Variants in MYT1L observed in about 807,000 individuals in gnomAD.
MYT1L encodes the protein myelin transcription factor 1 like, also known as myelin transcription factor 1-like protein.
A neutral mutation model predicts 126.7 loss-of-function variants in MYT1L; 12 were observed. The observed-to-expected ratio is 0.09, with a 90% confidence interval of 0.06 to 0.15. The LOEUF is 0.15. Among genes scored for constraint, MYT1L ranks in the 10% least tolerant of loss-of-function variants. The pLI, the probability that MYT1L is intolerant of heterozygous loss-of-function variation, is 1.00. For missense variants in MYT1L, 979 were observed against 1,585.2 expected, an observed-to-expected ratio of 0.62 and a Z score of 6.49; for synonymous variants, 541 against 604.2, an observed-to-expected ratio of 0.90 and a Z score of 1.53.
intron 1 of MYT1L, among the ~76,000 whole-genome samples, chr2:2,312,994 T>G (rs1374828823): frequency 6.6e-6 from 1 of 152,000 alleles, no homozygotes; most frequent in Non-Finnish European, 1.5e-5. Context: ...AGCAGAGGAT[T>G]CAAAAATTGT....
chr2:1,998,327 A>G lies in MYT1L; in HGVS notation c.-157-980T>C, dbSNP rs148641549. Among the ~76,000 whole-genome samples the G allele has an allele frequency of 5.6e-3, 847 of 152,336 alleles. 7 individuals are homozygous for G. The highest frequency in any genetic ancestry group is 0.019 in the African/African-American group (795 of 41,574). On this transcript the variant is annotated intron_variant, in intron 4 of 24. Coordinates refer to ENST00000647738, the MANE Select transcript of MYT1L (RefSeq NM_001303052.2). ...GCTTGATGCAGATAACCATCATGGA[A>G]GTGCCGCTGCACTTTCTATGCAATT...
intron 21 of MYT1L, among the ~76,000 whole-genome samples, chr2:1,817,558 C>A (rs1371145662): frequency 6.6e-6 from 1 of 152,172 alleles, no homozygotes; most frequent in Non-Finnish European, 1.5e-5. Context: ...TCTGTCCAAA[C>A]GCGGCTGTGT....
chr2:1,873,003 T>A (rs2046448815), intron 18 of MYT1L, among the ~76,000 whole-genome samples: 1 of 152,190 alleles, frequency 6.6e-6, no homozygotes, highest in South Asian at 2.1e-4. Flanking sequence ...GCAGTCTGGC[T>A]TTGAAGGCTG....
chr2:1,837,420 C>T (rs1467608708), intron 21 of MYT1L, among the ~76,000 whole-genome samples: 1 of 152,108 alleles, frequency 6.6e-6, no homozygotes, highest in Non-Finnish European at 1.5e-5. Flanking sequence ...AATTTTTAAA[C>T]ATTTTATTAA....
intron 3 of MYT1L, among the ~76,000 whole-genome samples, chr2:2,147,187 A>G (rs1309266952): frequency 2.0e-5 from 3 of 152,216 alleles, no homozygotes; most frequent in Admixed American, 6.5e-5. Context: ...CATCCTCCCC[A>G]TGTAAACCTC....
intron 5 of MYT1L, among the ~76,000 whole-genome samples, chr2:1,980,331 C>A (rs933754333): frequency 6.8e-6 from 1 of 147,620 alleles, no homozygotes; most frequent in African/African-American, 2.5e-5. Flanking sequence ...TATACACACA[C>A]ACATATATAT....
intron 3 of MYT1L, among the ~76,000 whole-genome samples, chr2:2,094,719 T>C (rs1310398907): frequency 1.5e-5 from 2 of 131,854 alleles, no homozygotes; most frequent in Non-Finnish European, 3.1e-5. Flanking sequence ...GGTAATTGAA[T>C]AATGAGAACA....
chr2:1,917,125 T>C lies in MYT1L; in HGVS notation c.1618+80A>G, dbSNP rs748308450. Reference sequence around the variant, plus strand: ...GTCGCACCGAGCCGTACAATGGAGATGATGTCAGGTAAGAGGGATGACAGA... The same window carrying C: ...GTCGCACCGAGCCGTACAATGGAGACGATGTCAGGTAAGAGGGATGACAGA... On this transcript the variant is annotated intron_variant, in intron 11 of 24. Coordinates refer to ENST00000647738, the MANE Select transcript of MYT1L (RefSeq NM_001303052.2). This position sits in a 1 kb window ranked among gnomAD's most constrained non-coding sequence, Gnocchi z 5.9. The C allele has an allele frequency of 2.6e-6, 4 of 1,513,766 alleles. No homozygotes were observed. The highest frequency in any genetic ancestry group is 1.9e-5 in the Admixed American group (1 of 53,554). The allele number at this position is 1,513,766 out of a possible 1,614,324, so 93.8% of individuals were successfully genotyped here. A position where few individuals can be genotyped will look rare whatever the true frequency, so the allele number is the denominator to read the frequency against.
At chr2:1,821,107 C>G (rs1221821643) in intron 21 of MYT1L, among the ~76,000 whole-genome samples, 1 of 152,160 alleles carries the variant, frequency 6.6e-6, no homozygotes, top group Admixed American at 6.5e-5. Flanking sequence ...TCCTGCTTCT[C>G]AGGTAGAGCC....
At chr2:2,090,302 A>C (rs1161057612) in intron 3 of MYT1L, among the ~76,000 whole-genome samples, 1 of 152,212 alleles carries the variant, frequency 6.6e-6, no homozygotes, top group African/African-American at 2.4e-5. Context: ...AGACCACCAC[A>C]ATAAAGGGAA....
intron 2 of MYT1L, among the ~76,000 whole-genome samples, chr2:2,201,892 C>T (rs900324082): frequency 6.6e-6 from 1 of 152,036 alleles, no homozygotes; most frequent in African/African-American, 2.4e-5. Context: ...GCAAGAAATA[C>T]AGACTTTTAT....
chr2:1,982,289 G>C (rs2060666848), intron 5 of MYT1L, among the ~76,000 whole-genome samples: 1 of 152,212 alleles, frequency 6.6e-6, no homozygotes, highest in South Asian at 2.1e-4. Context: ...ACGAGAAATG[G>C]CATTTCCCAG....
At chr2:2,100,529 C>T (rs1390076945) in intron 3 of MYT1L, among the ~76,000 whole-genome samples, 2 of 152,132 alleles carry the variant, frequency 1.3e-5, no homozygotes, top group Non-Finnish European at 2.9e-5. Context: ...TCCTTGATGT[C>T]ATCAGAAATA....
rs570154120 is a variant in MYT1L, at chr2:1,806,012, C to T, written c.3172+3064G>A. Among the ~76,000 whole-genome samples the T allele has an allele frequency of 1.4e-5, 2 of 139,644 alleles. No individual in the cohort carries two copies. The highest frequency in any genetic ancestry group is 4.5e-4 in the East Asian group (2 of 4,416). 91.6% of individuals were successfully genotyped at this position (139,644 alleles called of 152,430 possible). ...TGTGCCTCTGTCCCCTGAAGAGCAT[C>T]AGGAATTGGATGCTGTGCCTCTGTC... On this transcript the variant is annotated intron_variant, in intron 22 of 24. Transcript: ENST00000647738. The surrounding 1 kb of genome is among the most constrained non-coding windows in gnomAD (Gnocchi z 4.9).
rs60591026 is a variant in MYT1L, at chr2:2,124,138, T to C, written c.-304+48734A>G. 8.6e-3 allele frequency among the ~76,000 whole-genome samples: 1,312 copies of C among 152,290 alleles called. 18 individuals are homozygous for C. Among genetic ancestry groups the C allele is most frequent in the African/African-American group, 0.026 (1,092 of 41,564 alleles). On this transcript the variant is annotated intron_variant, in intron 3 of 24. Coordinates refer to ENST00000647738, the MANE Select transcript of MYT1L (RefSeq NM_001303052.2). ...CCTTGGAGGACTCCCAGCCACCCAC[T>C]CGCTTTTGGGTTCTGCATTTTCTTC...
intron 18 of MYT1L, chr2:1,886,236 T>A (rs908473099): frequency 7.1e-6 from 2 of 281,532 alleles, no homozygotes; most frequent in Non-Finnish European, 1.3e-5. Context: ...TTTGAGTAAC[T>A]GTAAAATTTC....
intron 21 of MYT1L, among the ~76,000 whole-genome samples, chr2:1,826,447 C>T (rs1047228508): frequency 2.0e-5 from 3 of 152,178 alleles, no homozygotes; most frequent in Non-Finnish European, 4.4e-5. Context: ...CCACCCTGGT[C>T]AGCGCTGGGC....
intron 2 of MYT1L, among the ~76,000 whole-genome samples, chr2:2,179,841 T>G (rs1313106595): frequency 6.6e-6 from 1 of 152,254 alleles, no homozygotes; most frequent in African/African-American, 2.4e-5. Flanking sequence ...ACTTCCTCAC[T>G]TTGGTTCACA....
chr2:2,085,078 C>G (rs1367432205), intron 3 of MYT1L, among the ~76,000 whole-genome samples: 1 of 152,112 alleles, frequency 6.6e-6, no homozygotes, highest in Non-Finnish European at 1.5e-5. Flanking sequence ...CTCCTTTCAC[C>G]TCTGCCCTCT....
Sources: allele counts gnomAD v4.1 joint callset (sites outside exome capture counted in the v4.1 genomes callset), GRCh38; gene constraint gnomAD v4.1.1; non-coding constraint Gnocchi (gnomAD v3.1); transcripts MANE v1.5; gene names NCBI Gene and HGNC (gene_info 2026-07-23, HGNC 2026-07-21).